HDAC9: variants seen among roughly 807,000 people sequenced by gnomAD.
HDAC9 encodes MEF-2 interacting transcription repressor (MITR) protein.
In HDAC9, 41 loss-of-function variants were observed where a neutral mutation model predicts 139.4. That is an observed-to-expected ratio of 0.29 (90% CI 0.23 to 0.38). The LOEUF is 0.38. HDAC9 is among the 10% of genes least tolerant of loss of function. HDAC9 has a pLI of 1.00. For missense variants in HDAC9, 1,147 were observed against 1,297.0 expected, an observed-to-expected ratio of 0.88 and a Z score of 1.78; for synonymous variants, 517 against 476.2, an observed-to-expected ratio of 1.09 and a Z score of -1.12.
At chr7:18,321,889 C>A (rs1183458932) in intron 1 of HDAC9, among the ~76,000 whole-genome samples, 1 of 152,064 alleles carries the variant, frequency 6.6e-6, no homozygotes, top group Non-Finnish European at 1.5e-5. Context: ...AAAAGTAGGG[C>A]AGAAATCGAA....
chr7:18,640,136 A>G (rs1437475248), intron 8 of HDAC9, among the ~76,000 whole-genome samples: 1 of 151,794 alleles, frequency 6.6e-6, no homozygotes, highest in Non-Finnish European at 1.5e-5. Context: ...GGGGGCTCAC[A>G]TCTATAATCT....
chr7:18,624,353 G>GT (rs1480871215), intron 6 of HDAC9, among the ~76,000 whole-genome samples: 1 of 152,084 alleles, frequency 6.6e-6, no homozygotes, highest in Admixed American at 6.6e-5. Flanking sequence ...AGAGAAAAAG[G>GT]TATTGGGTCT....
intron 1 of HDAC9, among the ~76,000 whole-genome samples, chr7:18,456,429 T>A (rs1262990296): frequency 6.6e-6 from 1 of 151,984 alleles, no homozygotes; most frequent in Non-Finnish European, 1.5e-5. Context: ...TGAGATGGGG[T>A]TTCACCATGC....
chr7:18,729,439 C>A lies in HDAC9; in HGVS notation c.1909+1682C>A, dbSNP rs183316791. On this transcript the variant is annotated intron_variant, in intron 13 of 25. Transcript: ENST00000686413. ...CTTTCCTTGGTTAAGAGGGGTGGCC[C>A]TTTTCTGACATACTTCAGTGTCTTC... Among the ~76,000 whole-genome samples the A allele has an allele frequency of 2.3e-3, 343 of 152,196 alleles. 1 individual carries two copies. Among genetic ancestry groups the A allele is most frequent in the Middle Eastern group, 6.8e-3 (2 of 294 alleles).
chr7:18,762,867 C>T (rs1327655796), intron 15 of HDAC9, among the ~76,000 whole-genome samples: 1 of 152,036 alleles, frequency 6.6e-6, no homozygotes, highest in Non-Finnish European at 1.5e-5. Flanking sequence ...GAAACTTTAT[C>T]GTCAGATTTT....
rs1585188634 is a variant in HDAC9, at chr7:18,869,085, C to G, written c.2685-5393C>G. On this transcript the variant is annotated intron_variant, in intron 21 of 25. Transcript: ENST00000686413. ...GTGAAGCAGCTCTAGCAAATTAATCCAACCCAAAGAGGGGGGCATGGGAAC... is the reference window on the plus strand; with the variant it reads ...GTGAAGCAGCTCTAGCAAATTAATCGAACCCAAAGAGGGGGGCATGGGAAC... Among the ~76,000 whole-genome samples the G allele has an allele frequency of 2.6e-5, 4 of 151,704 alleles. No individual in the cohort carries two copies. The South Asian group carries it at 8.3e-4, about 32-fold the overall frequency.
chr7:18,994,291 G>A (rs576551831), intron 25 of HDAC9, among the ~76,000 whole-genome samples: 1 of 152,306 alleles, frequency 6.6e-6, no homozygotes, highest in East Asian at 1.9e-4. Context: ...TTCTATAACT[G>A]TATTATTCAC....
chr7:18,351,247 T>C (rs1184054193), intron 1 of HDAC9, among the ~76,000 whole-genome samples: 1 of 152,204 alleles, frequency 6.6e-6, no homozygotes, highest in African/African-American at 2.4e-5. Context: ...ATATAATTTT[T>C]ATTTATCGTT....
intron 2 of HDAC9, among the ~76,000 whole-genome samples, chr7:18,249,172 A>G (rs1057409703): frequency 6.6e-6 from 1 of 152,316 alleles, no homozygotes; most frequent in Admixed American, 6.5e-5. Context: ...AACAAGAAAA[A>G]TTTAGTGAAT....
intron 2 of HDAC9, among the ~76,000 whole-genome samples, chr7:18,535,168 C>T (rs1348683311): frequency 2.0e-5 from 3 of 152,158 alleles, no homozygotes; most frequent in African/African-American, 7.2e-5. Context: ...CTTGTCATCT[C>T]TTCCCTCTTC....
At chr7:18,509,313 T>C in intron 2 of HDAC9, 2 of 985,436 alleles carry the variant, frequency 2.0e-6, no homozygotes, top group Non-Finnish European at 2.4e-6. Context: ...TGGGGAAGCC[T>C]TTATCAATGG....
At position 18,343,264 on chromosome 7, in the gene HDAC9, G is replaced by A. The variant is rs189863706; in HGVS notation, c.-42+52749G>A. Among the ~76,000 whole-genome samples, 31 of 151,742 alleles carry A rather than the reference G, an allele frequency of 2.0e-4. No individual in the cohort carries two copies. The East Asian group carries it at 3.3e-3, about 16-fold the overall frequency. ...ACTACCCACTGGAACACATTTCACCGTTCCCTAAGGTGAAATGTAGAAGCT... is the reference window on the plus strand; with the variant it reads ...ACTACCCACTGGAACACATTTCACCATTCCCTAAGGTGAAATGTAGAAGCT... On this transcript the variant is annotated intron_variant, in intron 1 of 3. Coordinates refer to the HDAC9 transcript ENST00000413509.
chr7:18,494,478 G>A (rs532453683), upstream of HDAC9, among the ~76,000 whole-genome samples: 7 of 151,944 alleles, frequency 4.6e-5, no homozygotes, highest in South Asian at 2.1e-4. Flanking sequence ...CATTTTCCTC[G>A]CTGATTTAGT....
At chr7:18,851,957 A>G (rs1416365983) in intron 21 of HDAC9, among the ~76,000 whole-genome samples, 1 of 152,216 alleles carries the variant, frequency 6.6e-6, no homozygotes, top group Admixed American at 6.5e-5. Context: ...GCAGGCAGGT[A>G]GGTGCCTGTG....
At chr7:18,249,502 CAAAAAA>C (rs3058733) in intron 2 of HDAC9, among the ~76,000 whole-genome samples, 2,112 of 58,542 alleles carry the variant, frequency 0.036, 21 homozygotes, top group Non-Finnish European at 0.06. Context: ...GACTCTGTCT[CAAAAAA>C]AAAAAAAAAA....
intron 12 of HDAC9, among the ~76,000 whole-genome samples, chr7:18,726,842 T>A (rs1019810520): frequency 6.6e-5 from 10 of 152,098 alleles, no homozygotes; most frequent in Non-Finnish European, 1.3e-4. Context: ...TTTGAGAATA[T>A]CTTTTCTTGG....
rs185619181 is a variant in HDAC9, at chr7:18,966,757, C to T, written c.3023-9049C>T. Among the ~76,000 whole-genome samples the T allele has an allele frequency of 4.6e-5, 7 of 152,120 alleles. No homozygotes were observed. The East Asian group carries it at 1.4e-3, about 29-fold the overall frequency. On this transcript the variant is annotated intron_variant, in intron 24 of 25. Coordinates refer to ENST00000686413, the MANE Select transcript of HDAC9 (RefSeq NM_178425.4). ...GTTAGGGGAAAATTTGAGAAATCAG[C>T]AGTTAGGTGTGAATAAAGTATGTTC...
At chr7:18,154,711 A>T (rs887041181) in intron 1 of HDAC9, among the ~76,000 whole-genome samples, 1 of 152,262 alleles carries the variant, frequency 6.6e-6, no homozygotes, top group Non-Finnish European at 1.5e-5. Context: ...GCAGCATTAA[A>T]GAAATGTGAT....
chr7:18,660,823 A>G (rs1472331096), intron 11 of HDAC9, among the ~76,000 whole-genome samples: 3 of 152,108 alleles, frequency 2.0e-5, no homozygotes, highest in Non-Finnish European at 4.4e-5. Flanking sequence ...TAGCTGGAGC[A>G]TGTGAGAAAG....
Sources: allele counts gnomAD v4.1 joint callset (sites outside exome capture counted in the v4.1 genomes callset), GRCh38; gene constraint gnomAD v4.1.1; transcripts MANE v1.5; gene names NCBI Gene and HGNC (gene_info 2026-07-23, HGNC 2026-07-21).